The following PCDHA3 variants were observed in gnomAD, a reference collection of about 807,000 sequenced individuals.
PCDHA3 encodes protocadherin alpha-3.
PCDHA3 carries 41 observed loss-of-function variants against 62.2 expected under a neutral mutation model. The ratio of observed to expected loss-of-function variants is 0.66; its 90% CI spans 0.51 to 0.86. The LOEUF is 0.86. Among genes scored for constraint, PCDHA3 ranks in the 40% least tolerant of loss-of-function variants. The pLI is 0.00. For missense variants in PCDHA3, 1,304 were observed against 1,241.2 expected (o/e 1.05, Z -0.76); for synonymous variants, 640 against 555.4 (o/e 1.15, Z -2.14).
Position 141,011,543 on chromosome 5 carries a change from G to T in PCDHA3, c.*1606G>T, listed in dbSNP as rs1478395558. The stretch of plus-strand genomic sequence containing the variant: ...TTTTAACCATTGTTAATCAGCTTTT[G>T]TGTATGAAAGACACAGTAAAATTTC... On this transcript the variant is annotated 3_prime_UTR_variant, in exon 4 of 4. Coordinates refer to ENST00000522353, the MANE Select transcript of PCDHA3 (RefSeq NM_018906.3). 1.3e-5 allele frequency: 2 copies of T among 153,468 alleles called. No individual in the cohort carries two copies. Among genetic ancestry groups the T allele is most frequent in the African/African-American group, 4.8e-5 (2 of 41,376 alleles). The allele number at this position is 153,468 out of a possible 1,614,324, so 9.5% of individuals were successfully genotyped here. A position where few individuals can be genotyped will look rare whatever the true frequency, so the allele number is the denominator to read the frequency against.
intron 1 of PCDHA3, chr5:140,823,585 G>A: frequency 6.2e-7 from 1 of 1,614,018 alleles, no homozygotes; most frequent in Non-Finnish European, 8.5e-7. Flanking sequence ...GGGCTACAAC[G>A]CTTGGCTTTC....
rs17119229 is a variant in PCDHA3, at chr5:140,842,497, T to C, written c.2394+38906T>C. ...AGGTGACCTGCTCCCTGATGCCCCA[T>C]GTCCCCTTCAAGCTGGTGTCCACCT... is the stretch of plus-strand genomic sequence containing the variant. On this transcript the variant is annotated intron_variant, in intron 1 of 3. Transcript: ENST00000522353. 27 of 1,613,862 alleles carry C rather than the reference T, an allele frequency of 1.7e-5. No homozygotes were observed. The South Asian group carries it at 1.8e-4, about 11-fold the overall frequency.
chr5:140,935,835 A>G (rs1405712064), intron 1 of PCDHA3, among the ~76,000 whole-genome samples: 3 of 151,830 alleles, frequency 2.0e-5, no homozygotes, highest in Admixed American at 6.6e-5. Flanking sequence ...CACATATTCC[A>G]TACTGCTTAA....
At chr5:140,808,064 T>G (rs1554124407) in intron 1 of PCDHA3, 1 of 1,614,056 alleles carries the variant, frequency 6.2e-7, no homozygotes, top group Non-Finnish European at 8.5e-7. Context: ...GAAATCCAAG[T>G]TTCACATAGA....
intron 1 of PCDHA3, among the ~76,000 whole-genome samples, chr5:140,946,628 A>ATATATATATATATATATATATATATATC (rs2093986423): frequency 7.4e-6 from 1 of 134,528 alleles, no homozygotes; most frequent in Non-Finnish European, 1.6e-5. Context: ...ATATATATAT[A>ATATATATATATATATATATATATATATC]TATACAATGG....
At chr5:140,877,771 AC>A in intron 1 of PCDHA3, 2 of 1,614,178 alleles carry the variant, frequency 1.2e-6, no homozygotes, top group South Asian at 2.2e-5. Flanking sequence ...CCCGCCCAAG[AC>A]GGACCTCATG....
At position 140,838,077 on chromosome 5, in the gene PCDHA3, A is replaced by AGTGT. The variant is rs57130401; in HGVS notation, c.2394+34537_2394+34540dup. On this transcript the variant is annotated intron_variant, in intron 1 of 3. Transcript: ENST00000522353. ...TTTCCACTTTAAGTTATATATATAT[A>AGTGT]GTGTGTGTGTGTGTGTGTGTGTGTG... is the stretch of plus-strand genomic sequence containing the variant. Among the ~76,000 whole-genome samples, 532 of 80,648 alleles carry AGTGT rather than the reference A, an allele frequency of 6.6e-3. 5 individuals are homozygous for AGTGT. Among genetic ancestry groups the AGTGT allele is most frequent in the South Asian group, 0.011 (25 of 2,340 alleles). The allele number at this position is 80,648 out of a possible 152,430, so 52.9% of individuals were successfully genotyped here.
At chr5:140,858,322 T>C in intron 1 of PCDHA3, 2 of 1,596,852 alleles carry the variant, frequency 1.3e-6, no homozygotes, top group South Asian at 2.2e-5. Flanking sequence ...GGGTGTGTTC[T>C]GGGGAGGGCC....
At chr5:140,808,541 G>C in intron 1 of PCDHA3, 4 of 1,614,166 alleles carry the variant, frequency 2.5e-6, no homozygotes, top group Non-Finnish European at 2.5e-6. Flanking sequence ...GAACGACAAC[G>C]CTCCGGCGTT....
intron 1 of PCDHA3, chr5:140,852,963 C>A: frequency 2.4e-6 from 1 of 424,740 alleles, no homozygotes; most frequent in Non-Finnish European, 3.3e-6. Context: ...ACTCCAAGCT[C>A]CCCCTCCCGT....
intron 1 of PCDHA3, chr5:140,830,654 A>G (rs1554132964): frequency 4.6e-6 from 2 of 436,460 alleles, no homozygotes; most frequent in East Asian, 4.6e-5. Context: ...TTTAATATTC[A>G]TAATTTAAGT....
At chr5:140,968,419 T>C (rs372766707) in intron 1 of PCDHA3, 37 of 1,613,898 alleles carry the variant, frequency 2.3e-5, no homozygotes, top group Non-Finnish European at 3.0e-5. Context: ...CTGTGGAGGC[T>C]CAGGACAAGG....
At chr5:140,836,193 A>T (rs1774273849) in intron 1 of PCDHA3, 10 of 1,613,716 alleles carry the variant, frequency 6.2e-6, no homozygotes, top group Non-Finnish European at 8.5e-6. Context: ...CTCAGGCTAC[A>T]ACGCGTGGCT....
At position 140,917,315 on chromosome 5, in the gene PCDHA3, T is replaced by C. The variant is rs1015690007; in HGVS notation, c.2395-61634T>C. Among the ~76,000 whole-genome samples, 5 of 128,328 alleles carry C rather than the reference T, an allele frequency of 3.9e-5. No homozygotes were observed. In the East Asian group the frequency reaches 1.3e-3, roughly 32 times the overall value. 84.2% of individuals were successfully genotyped at this position (128,328 alleles called of 152,430 possible). A position where few individuals can be genotyped will look rare whatever the true frequency, so the allele number is the denominator to read the frequency against. On this transcript the variant is annotated intron_variant, in intron 1 of 3. Coordinates refer to ENST00000522353, the MANE Select transcript of PCDHA3 (RefSeq NM_018906.3). Reference sequence around the variant, plus strand: ...TGCAGATAGTTGTTACAATTTGGTGTTCATGTGGCGGGGGAGGGGGGGGAT... The same window carrying C: ...TGCAGATAGTTGTTACAATTTGGTGCTCATGTGGCGGGGGAGGGGGGGGAT...
At position 140,878,940 on chromosome 5, in the gene PCDHA3, A is replaced by G. The variant is rs554609702; in HGVS notation, c.2394+75349A>G. ...CTTCAATCAATAATTTTAAATAAATATATGGTATTGAAATGTATTACCTGG... is the reference window on the plus strand; with the variant it reads ...CTTCAATCAATAATTTTAAATAAATGTATGGTATTGAAATGTATTACCTGG... On this transcript the variant is annotated intron_variant, in intron 1 of 3. Transcript: ENST00000522353. 9.8e-5 allele frequency among the ~76,000 whole-genome samples: 15 copies of G among 152,366 alleles called. No individual in the cohort carries two copies. In the East Asian group the frequency reaches 2.3e-3, roughly 23 times the overall value.
rs1479921830 is a variant in PCDHA3 at position 140,876,971 on chromosome 5, G to A, written c.2394+73380G>A. The A allele has an allele frequency of 1.9e-6, 3 of 1,612,696 alleles. No homozygotes were observed. In the African/African-American group the frequency reaches 4.0e-5, roughly 22 times the overall value. On this transcript the variant is annotated intron_variant, in intron 1 of 3. Coordinates refer to ENST00000522353, the MANE Select transcript of PCDHA3 (RefSeq NM_018906.3). ...TACTCGCTGGTGGAGCGGCGGGTGG[G>A]CGAGCACGCACTGTCGAGCTACGTG...
At chr5:140,968,036 A>G (rs1554230231) in intron 1 of PCDHA3, 1 of 1,614,042 alleles carries the variant, frequency 6.2e-7, no homozygotes, top group African/African-American at 1.3e-5. Context: ...ACTGGTGGTG[A>G]GCGGCCCACT....
At chr5:140,858,446 T>G (rs782631209) in intron 1 of PCDHA3, 6 of 1,533,560 alleles carry the variant, frequency 3.9e-6, no homozygotes, top group Non-Finnish European at 5.3e-6. Flanking sequence ...GGTGGGTTAT[T>G]ACGTTTTCAT....
chr5:140,955,022 A>G (rs1468442096), intron 1 of PCDHA3, among the ~76,000 whole-genome samples: 2 of 152,182 alleles, frequency 1.3e-5, no homozygotes, highest in Non-Finnish European at 2.9e-5. Flanking sequence ...ACCATTTATT[A>G]AATAGGGAAT....
Sources: gnomAD v4.1 joint callset for allele counts (sites outside exome capture counted in the v4.1 genomes callset) on GRCh38, gnomAD v4.1.1 for gene constraint, MANE v1.5 for transcripts, NCBI Gene and HGNC (gene_info 2026-07-23, HGNC 2026-07-21) for gene names.